CHIC2: variants seen among roughly 807,000 people sequenced by gnomAD.
The protein encoded by CHIC2 is cysteine-rich hydrophobic domain-containing protein 2.
Under a neutral mutation model 25.9 loss-of-function variants are expected in CHIC2, and 14 were observed. The ratio of observed to expected loss-of-function variants is 0.54; its 90% CI spans 0.36 to 0.85. The LOEUF is 0.85. Among genes scored for constraint, CHIC2 ranks in the 40% least tolerant of loss-of-function variants. The pLI is 0.01. For missense variants in CHIC2, 146 were observed against 202.0 expected (o/e 0.72, Z 1.68); for synonymous variants, 70 against 72.0 (o/e 0.97, Z 0.14).
At chr4:54,059,025 T>A (rs1005967060) in intron 1 of CHIC2, among the ~76,000 whole-genome samples, 1 of 152,172 alleles carries the variant, frequency 6.6e-6, no homozygotes, top group Non-Finnish European at 1.5e-5. Flanking sequence ...ATATAAATTC[T>A]CAAATTCAAA....
the CHIC2 span, among the ~76,000 whole-genome samples, chr4:54,072,972 A>G: frequency 1.3e-5 from 2 of 152,040 alleles, no homozygotes; most frequent in African/African-American, 4.8e-5. Flanking sequence ...GGAAGCTGAG[A>G]CAGGAGAATG....
At chr4:54,019,124 T>C (rs1337117834) in intron 3 of CHIC2, among the ~76,000 whole-genome samples, 2 of 151,996 alleles carry the variant, frequency 1.3e-5, no homozygotes, top group Non-Finnish European at 2.9e-5. Context: ...GAGGAAATTA[T>C]ATTATTCACT....
chr4:54,082,902 G>A, the CHIC2 span, among the ~76,000 whole-genome samples: 2 of 151,592 alleles, frequency 1.3e-5, no homozygotes, highest in African/African-American at 2.4e-5. Context: ...TCCTAACCAT[G>A]ACACCAACCC....
chr4:54,037,178 G>A (rs1716414754), intron 3 of CHIC2, among the ~76,000 whole-genome samples: 1 of 151,866 alleles, frequency 6.6e-6, no homozygotes, highest in South Asian at 2.1e-4. Flanking sequence ...ATGAAACCCT[G>A]TCTCTACCAA....
intron 3 of CHIC2, among the ~76,000 whole-genome samples, chr4:54,046,850 G>C (rs1260264516): frequency 2.6e-5 from 4 of 152,208 alleles, no homozygotes; most frequent in Non-Finnish European, 5.9e-5. Flanking sequence ...ACTACCATCA[G>C]AGTGAACAGG....
intron 3 of CHIC2, among the ~76,000 whole-genome samples, chr4:54,029,385 A>ATAT (rs1226029986): frequency 6.6e-6 from 1 of 152,186 alleles, no homozygotes; most frequent in East Asian, 1.9e-4. Flanking sequence ...AAGACAAGAA[A>ATAT]TATAGGGTAA....
intron 3 of CHIC2, among the ~76,000 whole-genome samples, chr4:54,048,095 T>C (rs1284406630): frequency 2.0e-5 from 3 of 152,106 alleles, no homozygotes. Flanking sequence ...TTCAAGCGAT[T>C]CTCCTGCCTC....
At chr4:54,053,168 A>C (rs934213504) in intron 1 of CHIC2, among the ~76,000 whole-genome samples, 3 of 152,350 alleles carry the variant, frequency 2.0e-5, no homozygotes, top group Middle Eastern at 3.4e-3. Flanking sequence ...AAAATTCAAT[A>C]TACCATGATA....
At chr4:54,043,576 T>G (rs1365899054) in intron 3 of CHIC2, among the ~76,000 whole-genome samples, 2 of 151,724 alleles carry the variant, frequency 1.3e-5, no homozygotes, top group Non-Finnish European at 2.9e-5. Context: ...GAAGGAGAAA[T>G]AAAATACTTT....
At chr4:54,054,714 T>C (rs991305771) in intron 1 of CHIC2, among the ~76,000 whole-genome samples, 3 of 152,134 alleles carry the variant, frequency 2.0e-5, no homozygotes, top group Admixed American at 6.5e-5. Flanking sequence ...TAGCAGCACA[T>C]GGAATGGCAA....
upstream of CHIC2, among the ~76,000 whole-genome samples, chr4:54,065,099 T>C (rs1717481513): frequency 2.6e-5 from 4 of 152,212 alleles, no homozygotes; most frequent in Non-Finnish European, 4.4e-5. Flanking sequence ...GTCTCTTTTT[T>C]CCCAATTTGA....
chr4:54,058,990 C>T (rs1296574206), intron 1 of CHIC2, among the ~76,000 whole-genome samples: 1 of 152,126 alleles, frequency 6.6e-6, no homozygotes, highest in South Asian at 2.1e-4. Context: ...AAAAATCCAA[C>T]ACTGAACTCT....
At chr4:54,012,665 G>A (rs1568512) in intron 5 of CHIC2, among the ~76,000 whole-genome samples, 6 of 151,812 alleles carry the variant, frequency 4.0e-5, no homozygotes, top group African/African-American at 1.5e-4. Context: ...AAATACAAGA[G>A]TAGTCTCCTC....
chr4:54,063,761 T>G (rs965171403), intron 1 of CHIC2, among the ~76,000 whole-genome samples: 1 of 152,228 alleles, frequency 6.6e-6, no homozygotes, highest in South Asian at 2.1e-4. Flanking sequence ...CAATTGTCAC[T>G]GGGGTCTCAC....
the CHIC2 span, among the ~76,000 whole-genome samples, chr4:54,080,123 T>C: frequency 6.7e-6 from 1 of 149,408 alleles, no homozygotes; most frequent in African/African-American, 2.4e-5. Flanking sequence ...GGTATATATA[T>C]ATACATATAT....
At chr4:54,079,122 CAGG>C in the CHIC2 span, among the ~76,000 whole-genome samples, 2 of 151,996 alleles carry the variant, frequency 1.3e-5, no homozygotes, top group Non-Finnish European at 2.9e-5. Context: ...GAGGCTGAGG[CAGG>C]AGAATTGCTT....
chr4:54,085,166 T>C, the CHIC2 span, among the ~76,000 whole-genome samples: 2 of 152,184 alleles, frequency 1.3e-5, no homozygotes, highest in Admixed American at 6.5e-5. Context: ...AATATGAATG[T>C]CCTTAAGGAA....
chr4:54,056,098 A>T (rs1408220783), intron 1 of CHIC2, among the ~76,000 whole-genome samples: 1 of 152,196 alleles, frequency 6.6e-6, no homozygotes, highest in African/African-American at 2.4e-5. Flanking sequence ...ACCATTATAC[A>T]TAGTCTTATA....
the CHIC2 span, among the ~76,000 whole-genome samples, chr4:54,080,974 ATATATAT>A: frequency 2.4e-5 from 3 of 125,550 alleles, no homozygotes; most frequent in Non-Finnish European, 5.1e-5. Flanking sequence ...ATATATATAT[ATATATAT>A]ATATAAAATC....
Sources: allele counts gnomAD v4.1 joint callset (sites outside exome capture counted in the v4.1 genomes callset), GRCh38; gene constraint gnomAD v4.1.1; transcripts MANE v1.5; gene names NCBI Gene and HGNC (gene_info 2026-07-23, HGNC 2026-07-21).